The following PRIM2 variants were observed in gnomAD, a reference collection of about 807,000 sequenced individuals.
The protein encoded by PRIM2 is DNA primase large subunit.
In PRIM2, 39 loss-of-function variants were observed where a neutral mutation model predicts 67.3. The ratio of observed to expected loss-of-function variants is 0.58; its 90% CI spans 0.45 to 0.76. The LOEUF (loss-of-function observed/expected upper bound fraction) is 0.76, where lower values mean the gene tolerates loss of function less well. PRIM2 is among the 30% of genes least tolerant of loss of function. The pLI is 0.00. For synonymous variants in PRIM2, 143 were observed against 198.7 expected, an observed-to-expected ratio of 0.72 and a Z score of 2.36; for missense variants, 398 against 598.7, an observed-to-expected ratio of 0.66 and a Z score of 3.50.
chr6:57,336,105 A>G (rs1768236533), intron 5 of PRIM2, among the ~76,000 whole-genome samples: 1 of 152,258 alleles, frequency 6.6e-6, no homozygotes, highest in Non-Finnish European at 1.5e-5. Flanking sequence ...AAGAAAAGAT[A>G]TCAGCAATGG....
At chr6:57,385,843 T>TATCA (rs1185590131) in intron 7 of PRIM2, among the ~76,000 whole-genome samples, 1 of 152,230 alleles carries the variant, frequency 6.6e-6, no homozygotes, top group Non-Finnish European at 1.5e-5. Flanking sequence ...CATTGCATTC[T>TATCA]ATCAGATTAC....
intron 7 of PRIM2, among the ~76,000 whole-genome samples, chr6:57,492,600 T>G (rs1773922884): frequency 6.6e-6 from 1 of 152,162 alleles, no homozygotes; most frequent in East Asian, 1.9e-4. Flanking sequence ...TTTATTTGAT[T>G]TAACCCAATA....
chr6:57,300,198 T>C, the PRIM2 span, among the ~76,000 whole-genome samples: 24 of 152,238 alleles, frequency 1.6e-4, no homozygotes, highest in Non-Finnish European at 3.2e-4. Flanking sequence ...TGCAGATGCA[T>C]TGTCCATTTT....
the PRIM2 span, among the ~76,000 whole-genome samples, chr6:57,298,681 A>C: frequency 6.6e-6 from 1 of 152,172 alleles, no homozygotes; most frequent in Non-Finnish European, 1.5e-5. Context: ...TTCTTCCTTT[A>C]AATAATAAAA....
chr6:57,261,062 T>C, the PRIM2 span, among the ~76,000 whole-genome samples: 2 of 152,286 alleles, frequency 1.3e-5, no homozygotes, highest in Admixed American at 1.3e-4. Context: ...ATGCAAGCCA[T>C]GTGTATTTTC....
At chr6:57,394,521 T>C (rs79180718) in intron 7 of PRIM2, among the ~76,000 whole-genome samples, 1 of 152,134 alleles carries the variant, frequency 6.6e-6, no homozygotes, top group East Asian at 1.9e-4. Flanking sequence ...ATCTTGTATC[T>C]GGAAACTTTG....
chr6:57,326,769 G>A (rs1159419361), intron 5 of PRIM2, among the ~76,000 whole-genome samples: 1 of 151,682 alleles, frequency 6.6e-6, no homozygotes, highest in Non-Finnish European at 1.5e-5. Flanking sequence ...AGATCTGTAT[G>A]AATAGTTTTA....
At chr6:57,408,043 A>T (rs1247497905) in intron 7 of PRIM2, among the ~76,000 whole-genome samples, 1 of 151,776 alleles carries the variant, frequency 6.6e-6, no homozygotes, top group Non-Finnish European at 1.5e-5. Context: ...TAATGATGTT[A>T]CTCTCCCCCT....
At chr6:57,240,091 G>GTTTTTTTTTTTTTTTTTTT in the PRIM2 span, among the ~76,000 whole-genome samples, 4 of 90,012 alleles carry the variant, frequency 4.4e-5, no homozygotes, top group African/African-American at 1.8e-4. Flanking sequence ...TCAATAATCT[G>GTTTTTTTTTTTTTTTTTTT]TTTTTTTTTT....
chr6:57,574,068 C>T (rs1226071266), intron 10 of PRIM2, among the ~76,000 whole-genome samples: 3 of 151,890 alleles, frequency 2.0e-5, no homozygotes, highest in African/African-American at 7.3e-5. Flanking sequence ...CCTTCATTTG[C>T]ATAAGGTGCC....
At chr6:57,622,039 C>T (rs1396587285) in intron 12 of PRIM2, among the ~76,000 whole-genome samples, 27 of 152,202 alleles carry the variant, frequency 1.8e-4, no homozygotes, top group African/African-American at 6.0e-4. Context: ...CAACCTCTGC[C>T]TCCTGGGTTC....
chr6:57,375,796 G>T (rs1317949879), intron 5 of PRIM2, among the ~76,000 whole-genome samples: 1 of 151,756 alleles, frequency 6.6e-6, no homozygotes, highest in Non-Finnish European at 1.5e-5. Context: ...TTTAGTTTGG[G>T]TATAATGGTT....
intron 7 of PRIM2, among the ~76,000 whole-genome samples, chr6:57,385,012 C>CA (rs1334416801): frequency 1.3e-5 from 2 of 152,010 alleles, no homozygotes; most frequent in African/African-American, 4.8e-5. Flanking sequence ...TTACATTTGC[C>CA]ACACATTTTT....
intron 10 of PRIM2, among the ~76,000 whole-genome samples, chr6:57,569,807 C>T (rs1775826654): frequency 6.6e-6 from 1 of 151,602 alleles, no homozygotes; most frequent in African/African-American, 2.4e-5. Context: ...AGTGTAGTGG[C>T]ACGATCTTGG....
chr6:57,300,125 T>TG, the PRIM2 span, among the ~76,000 whole-genome samples: 1 of 152,238 alleles, frequency 6.6e-6, no homozygotes, highest in African/African-American at 2.4e-5. Context: ...ACTTACAATA[T>TG]GGGAGGGACA....
At position 57,385,555 on chromosome 6, in the gene PRIM2, T is replaced by G. The variant is rs557232873; in HGVS notation, c.693+3387T>G. 4.5e-4 allele frequency among the ~76,000 whole-genome samples: 69 copies of G among 152,330 alleles called. No homozygotes were observed. In the East Asian group the frequency reaches 0.012, roughly 26 times the overall value. ...AATTAATGTTTATAAGTTACTACCATCTAACCTCCAGACCCCATTCAAGTT... is the reference window on the plus strand; with the variant it reads ...AATTAATGTTTATAAGTTACTACCAGCTAACCTCCAGACCCCATTCAAGTT... On this transcript the variant is annotated intron_variant, in intron 7 of 13. Coordinates refer to ENST00000615550, the MANE Select transcript of PRIM2 (RefSeq NM_000947.5).
chr6:57,455,971 G>T (rs1342736870), intron 7 of PRIM2, among the ~76,000 whole-genome samples: 1 of 151,990 alleles, frequency 6.6e-6, no homozygotes, highest in African/African-American at 2.4e-5. Context: ...GCTCTTTTAG[G>T]GCAGGCCTGG....
intron 8 of PRIM2, among the ~76,000 whole-genome samples, chr6:57,515,509 T>C (rs1774464432): frequency 6.6e-6 from 1 of 152,232 alleles, no homozygotes. Context: ...GCAGATTTCT[T>C]AACAAGTGAA....
chr6:57,273,900 C>G, the PRIM2 span, among the ~76,000 whole-genome samples: 2 of 152,188 alleles, frequency 1.3e-5, no homozygotes, highest in African/African-American at 4.8e-5. Flanking sequence ...CACTCCAGAC[C>G]CTGTTTGCCT....
Sources: gnomAD v4.1 joint callset for allele counts (sites outside exome capture counted in the v4.1 genomes callset) on GRCh38, gnomAD v4.1.1 for gene constraint, MANE v1.5 for transcripts, NCBI Gene and HGNC (gene_info 2026-07-23, HGNC 2026-07-21) for gene names.